VPS4B: variants seen among roughly 807,000 people sequenced by gnomAD.
The protein encoded by VPS4B is vacuolar protein sorting-associated protein 4B.
In VPS4B, 23 loss-of-function variants were observed where a neutral mutation model predicts 56.1. That is an observed-to-expected ratio of 0.41 (90% CI 0.30 to 0.58). The LOEUF (loss-of-function observed/expected upper bound fraction) is 0.58. Among genes scored for constraint, VPS4B ranks in the 20% least tolerant of loss-of-function variants. VPS4B has a pLI of 0.29. For missense variants in VPS4B, 372 were observed against 531.9 expected, an observed-to-expected ratio of 0.70 and a Z score of 2.96; for synonymous variants, 177 against 186.0, an observed-to-expected ratio of 0.95 and a Z score of 0.39.
chr18:63,409,145 T>A (rs1022995498), intron 3 of VPS4B, among the ~76,000 whole-genome samples: 5 of 152,200 alleles, frequency 3.3e-5, no homozygotes, highest in African/African-American at 1.2e-4. Context: ...GAAGATAACA[T>A]GTTCTTAGGG....
rs143862979 is a variant in VPS4B, at chr18:63,400,968, G to GT, written c.485-266dup. On this transcript the variant is annotated intron_variant, in intron 5 of 10. Coordinates refer to ENST00000238497, the MANE Select transcript of VPS4B (RefSeq NM_004869.4). ...CATTCAACCAATATGTATCAAAACCGTAACATGTGCACAGGCAAAAGGATT... is the reference window on the plus strand; with the variant it reads ...CATTCAACCAATATGTATCAAAACCGTTAACATGTGCACAGGCAAAAGGATT... Among the ~76,000 whole-genome samples, 1,463 of 152,296 alleles carry GT rather than the reference G, an allele frequency of 9.6e-3. 30 individuals are homozygous for GT. The highest frequency in any genetic ancestry group is 0.034 in the African/African-American group (1,393 of 41,554).
intron 9 of VPS4B, among the ~76,000 whole-genome samples, chr18:63,394,482 T>G (rs1915625993): frequency 6.6e-6 from 1 of 152,236 alleles, no homozygotes; most frequent in African/African-American, 2.4e-5. Flanking sequence ...TTTTTTTTTT[T>G]TTGAGACGGA....
chr18:63,421,533 CCATTA>C, intron 1 of VPS4B, among the ~76,000 whole-genome samples: 1 of 152,328 alleles, frequency 6.6e-6, no homozygotes, highest in Admixed American at 6.5e-5. Flanking sequence ...ATGGGAGACA[CCATTA>C]CATTAAGAAA....
chr18:63,398,967 C>T (rs1014710297), intron 8 of VPS4B, among the ~76,000 whole-genome samples: 3 of 152,034 alleles, frequency 2.0e-5, no homozygotes, highest in Admixed American at 2.0e-4. Context: ...TCAGTGCCCA[C>T]CAAACTTAAT....
chr18:63,403,782 C>G lies in VPS4B; in HGVS notation c.409G>C (p.Ala137Pro). Residue 137 changes from alanine to proline, a missense_variant, in exon 5 of 11, where the codon GCT (alanine) becomes CCT (proline). Around this residue, in one of 3 missense-constraint regions of VPS4B, gnomAD observed 153 missense variants for 190.3 expected, o/e 0.80. Transcript: ENST00000238497. ...ERPNVKWSDV[A>P]GLEGAKEALK... ...GCTTCTTTGGCTCCTTCAAGTCCAG[C>G]AACGTCACTCCATTTCACATTTGGT... The G allele has an allele frequency of 1.2e-6, 2 of 1,613,374 alleles. No individual in the cohort carries two copies. The highest frequency in any genetic ancestry group is 8.5e-7 in the Non-Finnish European group (1 of 1,179,598).
At chr18:63,401,495 C>G (rs752480450) in intron 5 of VPS4B, among the ~76,000 whole-genome samples, 5 of 152,122 alleles carry the variant, frequency 3.3e-5, no homozygotes, top group Admixed American at 1.3e-4. Flanking sequence ...CTCAGGTGAT[C>G]TGCCCACCTC....
At chr18:63,406,920 A>G in intron 4 of VPS4B, among the ~76,000 whole-genome samples, 1 of 152,226 alleles carries the variant, frequency 6.6e-6, no homozygotes, top group Admixed American at 6.5e-5. Flanking sequence ...ACAGAATGAA[A>G]GGGCTTTACA....
At position 63,390,545 on chromosome 18, in the gene VPS4B, T is replaced by C. The variant is rs1316092079; in HGVS notation, c.*430A>G. Reference sequence around the variant, plus strand: ...AAAGATTCTATCATTTGTAATTTTTTAATAACGTAAATTTTACATTGATAA... The same window carrying C: ...AAAGATTCTATCATTTGTAATTTTTCAATAACGTAAATTTTACATTGATAA... On this transcript the variant is annotated 3_prime_UTR_variant, in exon 11 of 11. Transcript: ENST00000238497. The C allele has an allele frequency of 6.5e-6, 1 of 153,032 alleles. No homozygotes were observed. Among genetic ancestry groups the C allele is most frequent in the Non-Finnish European group, 1.5e-5 (1 of 68,334 alleles). The allele number at this position is 153,032 out of a possible 1,614,324, so 9.5% of individuals were successfully genotyped here.
At chr18:63,419,803 T>C (rs892492793) in intron 1 of VPS4B, among the ~76,000 whole-genome samples, 1 of 152,198 alleles carries the variant, frequency 6.6e-6, no homozygotes, top group Non-Finnish European at 1.5e-5. Context: ...TAACTTCGGG[T>C]TATTGAAACT....
chr18:63,403,541 A>G (rs1011732527), intron 5 of VPS4B, among the ~76,000 whole-genome samples, 166 bp downstream of exon 5: 2 of 152,218 alleles, frequency 1.3e-5, no homozygotes, highest in African/African-American at 4.8e-5. Context: ...GCAAATATGG[A>G]TATGTATAAG....
chr18:63,399,044 T>C (rs1177893627), intron 8 of VPS4B, among the ~76,000 whole-genome samples, 198 bp downstream of exon 8: 3 of 152,178 alleles, frequency 2.0e-5, no homozygotes, highest in Admixed American at 6.5e-5. Context: ...GTGGAAATCT[T>C]GTATATTTGA....
intron 10 of VPS4B, 32 bp from the exon 11 acceptor site, chr18:63,391,108 T>A: frequency 7.1e-7 from 1 of 1,399,938 alleles, no homozygotes; most frequent in Non-Finnish European, 1.0e-6. Flanking sequence ...AGGGAGGATA[T>A]TAATAATAGA....
chr18:63,405,092 T>A (rs1220192352), intron 4 of VPS4B, among the ~76,000 whole-genome samples: 1 of 152,172 alleles, frequency 6.6e-6, no homozygotes, highest in Non-Finnish European at 1.5e-5. Flanking sequence ...TGATTTGTTT[T>A]CATATATAAT....
intron 1 of VPS4B, among the ~76,000 whole-genome samples, chr18:63,417,060 G>A (rs898156877): frequency 3.3e-5 from 5 of 151,886 alleles, no homozygotes; most frequent in South Asian, 2.1e-4. Flanking sequence ...GAATGGTGCC[G>A]GCATACAACA....
At chr18:63,399,093 C>T (rs888154132) in intron 8 of VPS4B, 149 bp downstream of exon 8, 6 of 596,654 alleles carry the variant, frequency 1.0e-5, no homozygotes, top group Non-Finnish European at 1.7e-5. Context: ...CCACCCTTCT[C>T]CCACTCAAGG....
intron 9 of VPS4B, among the ~76,000 whole-genome samples, chr18:63,395,355 C>T (rs1201019989): frequency 6.6e-6 from 1 of 152,182 alleles, no homozygotes; most frequent in Non-Finnish European, 1.5e-5. Flanking sequence ...GGATGAGTAA[C>T]ATTCCCTACG....
At position 63,411,488 on chromosome 18, in the gene VPS4B, A is replaced by C; in HGVS notation, c.118T>G (p.Tyr40Asp). The C allele has an allele frequency of 6.3e-7, 1 of 1,582,130 alleles. No individual in the cohort carries two copies. Among genetic ancestry groups the C allele is most frequent in the Non-Finnish European group, 8.6e-7 (1 of 1,164,814 alleles). The change falls in exon 2 of 11, where the codon TAT (tyrosine) becomes GAT (aspartate). Residue 40 changes from tyrosine (Y) to aspartate (D), a missense_variant. This residue lies in a region of VPS4B where 153 missense variants were observed against 190.3 expected (regional missense o/e 0.80). Transcript: ENST00000238497. The part of the protein sequence containing the change: ...ALQLYQHAVQ[Y>D]FLHVVKYEAQ... ...TCACATTTAACGACATGAAGAAAAT[A>C]CTGCACAGCATGCTGATAGAGCTGA...
At chr18:63,405,351 C>T (rs1915892907) in intron 4 of VPS4B, among the ~76,000 whole-genome samples, 1 of 151,444 alleles carries the variant, frequency 6.6e-6, no homozygotes, top group Admixed American at 6.6e-5. Flanking sequence ...TTAATTTTAA[C>T]AAATATACAC....
Position 63,403,702 on chromosome 18 carries a change from G to C in VPS4B, c.484+5C>G, listed in dbSNP as rs763140015. ...TGAAATAAAATTATTTAAAAGTTATGTCACCTGTAAAAAGATGAGGAAATT... is the reference window on the plus strand; with the variant it reads ...TGAAATAAAATTATTTAAAAGTTATCTCACCTGTAAAAAGATGAGGAAATT... On this transcript the variant is annotated splice_donor_5th_base_variant and intron_variant, in intron 5 of 10. Transcript: ENST00000238497. 1 of 1,598,854 alleles carries C rather than the reference G, an allele frequency of 6.3e-7. No homozygotes were observed. The highest frequency in any genetic ancestry group is 1.8e-5 in the Admixed American group (1 of 57,090).
Sources: allele counts gnomAD v4.1 joint callset (sites outside exome capture counted in the v4.1 genomes callset), GRCh38; gene constraint gnomAD v4.1.1; regional missense constraint gnomAD v4.1.1; transcripts MANE v1.5; gene names NCBI Gene and HGNC (gene_info 2026-07-23, HGNC 2026-07-21).